The following CACNA1C variants were observed in gnomAD, a reference collection of about 807,000 sequenced individuals.
The protein encoded by CACNA1C is calcium voltage-gated channel subunit alpha1 C, also known as voltage-dependent L-type calcium channel subunit alpha-1C.
CACNA1C carries 30 observed loss-of-function variants against 229.0 expected under a neutral mutation model. The ratio of observed to expected loss-of-function variants is 0.13; its 90% CI spans 0.10 to 0.18. The LOEUF (loss-of-function observed/expected upper bound fraction) is 0.18. CACNA1C is among the 10% of genes least tolerant of loss of function. CACNA1C has a pLI of 1.00. For synonymous variants in CACNA1C, 1,114 were observed against 1,132.5 expected, an observed-to-expected ratio of 0.98 and a Z score of 0.33; for missense variants, 1,658 against 2,845.0, an observed-to-expected ratio of 0.58 and a Z score of 9.49.
At chr12:2,461,269 G>C (rs1006649288) in intron 5 of CACNA1C, among the ~76,000 whole-genome samples, 2 of 152,324 alleles carry the variant, frequency 1.3e-5, no homozygotes, top group African/African-American at 4.8e-5. Context: ...GGATACAGCT[G>C]ATCGCTCCTT....
rs1384006365 is a variant in CACNA1C, at chr12:2,181,124, AAGCATGT to A, written c.477+60700_477+60706del. Among the ~76,000 whole-genome samples, 1 of 152,132 alleles carries A rather than the reference AAGCATGT, an allele frequency of 6.6e-6. No individual in the cohort carries two copies. The highest frequency in any genetic ancestry group is 1.5e-5 in the Non-Finnish European group (1 of 68,028). ...ACAGTCTGGGGAAGACCCCTGTGTA[AAGCATGT>A]AGCATAGTGCCTGTGGACAGGAGAG... is the stretch of plus-strand genomic sequence containing the variant. On this transcript the variant is annotated intron_variant, in intron 3 of 46. Transcript: ENST00000399655. This position sits in a 1 kb window ranked among gnomAD's most constrained non-coding sequence, Gnocchi z 4.0.
intron 3 of CACNA1C, among the ~76,000 whole-genome samples, chr12:2,406,041 G>A (rs935077277): frequency 6.6e-6 from 1 of 152,058 alleles, no homozygotes; most frequent in African/African-American, 2.4e-5. Flanking sequence ...ATATAATTTG[G>A]TTGACACTTT....
chr12:2,000,925 T>C (rs2042046436), intron 1 of CACNA1C, among the ~76,000 whole-genome samples: 1 of 151,812 alleles, frequency 6.6e-6, no homozygotes, highest in Non-Finnish European at 1.5e-5. Context: ...TAATCCTGGA[T>C]ACTCTGGAGG....
intron 3 of CACNA1C, among the ~76,000 whole-genome samples, chr12:2,323,466 C>A (rs1185024751): frequency 6.6e-6 from 1 of 152,100 alleles, no homozygotes; most frequent in East Asian, 1.9e-4. Flanking sequence ...TCTGAGAGGA[C>A]GGTGAGTGTC....
At chr12:2,538,547 G>A (rs1015180089) in intron 9 of CACNA1C, among the ~76,000 whole-genome samples, 1 of 151,902 alleles carries the variant, frequency 6.6e-6, no homozygotes. Context: ...GAGATCCTCA[G>A]TTCACCCTCC....
chr12:2,304,112 C>T (rs890471667), intron 3 of CACNA1C, among the ~76,000 whole-genome samples: 7 of 152,108 alleles, frequency 4.6e-5, no homozygotes, highest in African/African-American at 1.2e-4. Flanking sequence ...GTGCACAGGA[C>T]GGAGCAGGGA....
intron 3 of CACNA1C, among the ~76,000 whole-genome samples, chr12:2,240,876 C>A (rs1011559210): frequency 1.3e-5 from 2 of 152,030 alleles, no homozygotes; most frequent in African/African-American, 4.8e-5. Context: ...CCTGAATTTC[C>A]AGGGTGAGAG....
At chr12:2,066,114 C>T (rs1246367551) in intron 1 of CACNA1C, among the ~76,000 whole-genome samples, 1 of 152,016 alleles carries the variant, frequency 6.6e-6, no homozygotes, top group African/African-American at 2.4e-5. Context: ...GAGGCTGTTG[C>T]CACTGTCCAG....
At chr12:2,142,437 C>T (rs2154194691) in intron 3 of CACNA1C, among the ~76,000 whole-genome samples, 1 of 151,324 alleles carries the variant, frequency 6.6e-6, no homozygotes, top group Non-Finnish European at 1.5e-5. Context: ...CTGTACAGTA[C>T]ACAATACTTG....
chr12:2,428,013 C>T (rs1358775965), intron 3 of CACNA1C, among the ~76,000 whole-genome samples: 1 of 152,206 alleles, frequency 6.6e-6, no homozygotes, highest in Non-Finnish European at 1.5e-5. Flanking sequence ...CGGCCTGTCG[C>T]TTTAGAGCTT....
At chr12:2,123,430 A>G (rs2088033765) in intron 3 of CACNA1C, among the ~76,000 whole-genome samples, 1 of 147,810 alleles carries the variant, frequency 6.8e-6, no homozygotes, top group South Asian at 2.2e-4. Context: ...GAGGTTATTT[A>G]GTCTTTCCAA....
intron 4 of CACNA1C, among the ~76,000 whole-genome samples, chr12:2,450,317 G>A (rs1272262336): frequency 6.6e-6 from 1 of 152,050 alleles, no homozygotes; most frequent in South Asian, 2.1e-4. Context: ...CACTTTGGGA[G>A]GCCAAGGCGG....
At chr12:1,981,870 G>GA (rs1459784503) in intron 1 of CACNA1C, among the ~76,000 whole-genome samples, 17 of 152,126 alleles carry the variant, frequency 1.1e-4, no homozygotes, top group Non-Finnish European at 2.2e-4. Flanking sequence ...AATTTAAGGA[G>GA]AAAAAAGAAT....
intron 18 of CACNA1C, among the ~76,000 whole-genome samples, chr12:2,590,512 C>G (rs116351534): frequency 6.6e-6 from 1 of 152,220 alleles, no homozygotes; most frequent in Non-Finnish European, 1.5e-5. Context: ...TCCATAATAC[C>G]TGCTAAGCAT....
At chr12:2,541,339 G>GT (rs1254553174) in intron 9 of CACNA1C, among the ~76,000 whole-genome samples, 1 of 152,180 alleles carries the variant, frequency 6.6e-6, no homozygotes, top group African/African-American at 2.4e-5. Context: ...CTTGTTAACC[G>GT]TAAGTCTGAT....
upstream of CACNA1C, among the ~76,000 whole-genome samples, chr12:2,052,622 C>A (rs981066752): frequency 6.2e-5 from 9 of 144,552 alleles, no homozygotes; most frequent in African/African-American, 2.2e-4. Context: ...CCGCGGCCAC[C>A]GCGGCCACCG....
intron 13 of CACNA1C, among the ~76,000 whole-genome samples, chr12:2,578,077 C>G (rs1238847615): frequency 6.6e-6 from 1 of 151,868 alleles, no homozygotes; most frequent in African/African-American, 2.4e-5. Context: ...ACCGTGTTAG[C>G]CAGGATGGTC....
chr12:2,412,544 C>G (rs1171569212), intron 3 of CACNA1C, among the ~76,000 whole-genome samples: 1 of 152,186 alleles, frequency 6.6e-6, no homozygotes, highest in Non-Finnish European at 1.5e-5. Flanking sequence ...CTTTAGGGCT[C>G]GGGAGAAAGC....
At chr12:2,423,866 C>T (rs540241404) in intron 3 of CACNA1C, among the ~76,000 whole-genome samples, 1 of 152,228 alleles carries the variant, frequency 6.6e-6, no homozygotes, top group African/African-American at 2.4e-5. Context: ...TGAAATTCTC[C>T]CCTCCTCAAC....
Sources: gnomAD v4.1 joint callset for allele counts (sites outside exome capture counted in the v4.1 genomes callset) on GRCh38, gnomAD v4.1.1 for gene constraint, Gnocchi (gnomAD v3.1) non-coding constraint, MANE v1.5 for transcripts, NCBI Gene and HGNC (gene_info 2026-07-23, HGNC 2026-07-21) for gene names.